The following NAA15 variants were observed in gnomAD, a reference collection of about 807,000 sequenced individuals.
The protein encoded by NAA15 is N-alpha-acetyltransferase 15, NatA auxiliary subunit.
NAA15 carries 34 observed loss-of-function variants against 114.0 expected under a neutral mutation model. That is an observed-to-expected ratio of 0.30 (90% CI 0.23 to 0.40). The LOEUF is 0.40. Ranked by LOEUF, NAA15 falls within the 10% of genes least tolerant of loss-of-function variation. NAA15 has a pLI of 1.00. For synonymous variants in NAA15, 340 were observed against 338.0 expected (o/e 1.01, Z -0.06); for missense variants, 658 against 1,004.5 (o/e 0.66, Z 4.66).
At chr4:139,335,392 G>A (rs1289744014) in intron 2 of NAA15, among the ~76,000 whole-genome samples, 2 of 151,874 alleles carry the variant, frequency 1.3e-5, no homozygotes, top group East Asian at 1.9e-4. Flanking sequence ...TTGAGATAGA[G>A]TTTCATTGTG....
intron 14 of NAA15, among the ~76,000 whole-genome samples, chr4:139,366,149 T>G (rs1447375844): frequency 6.6e-6 from 1 of 152,170 alleles, no homozygotes; most frequent in Non-Finnish European, 1.5e-5. Context: ...AATCCCTAAA[T>G]TTAGCAGCTT....
At chr4:139,360,715 T>C in intron 13 of NAA15, 87 bp downstream of exon 13, 2 of 1,207,082 alleles carry the variant, frequency 1.7e-6, no homozygotes, top group Non-Finnish European at 2.2e-6. Context: ...TTCTATTTCT[T>C]TATAATTCAT....
Position 139,344,342 on chromosome 4 carries a change from A to G in NAA15, c.691+3A>G. The stretch of plus-strand genomic sequence containing the variant: ...ACTTGCTGTAGAAGAAACCAAAGGT[A>G]TTTTTAAAAGAATTGTCATTTATTC... On this transcript the variant is annotated splice_donor_region_variant and intron_variant, in intron 6 of 19. Coordinates refer to ENST00000296543, the MANE Select transcript of NAA15 (RefSeq NM_057175.5). The G allele has an allele frequency of 6.2e-7, 1 of 1,600,914 alleles. No individual in the cohort carries two copies. Among genetic ancestry groups the G allele is most frequent in the Non-Finnish European group, 8.5e-7 (1 of 1,173,882 alleles).
intron 14 of NAA15, among the ~76,000 whole-genome samples, chr4:139,367,851 A>G (rs1027381416): frequency 2.0e-5 from 3 of 152,086 alleles, no homozygotes; most frequent in African/African-American, 7.2e-5. Context: ...AAATCCCTTC[A>G]GTTAGTTAGT....
intron 1 of NAA15, among the ~76,000 whole-genome samples, chr4:139,321,472 T>G (rs894806771): frequency 5.8e-5 from 4 of 68,804 alleles, no homozygotes; most frequent in African/African-American, 1.7e-4. Context: ...CCCTTATTTG[T>G]TTTTTTTTTT....
intron 1 of NAA15, among the ~76,000 whole-genome samples, chr4:139,314,857 TA>T (rs565458961): frequency 1.4e-4 from 21 of 151,928 alleles, no homozygotes; most frequent in South Asian, 6.2e-4. Context: ...TTTGTATTTT[TA>T]GTAGAAACGG....
chr4:139,379,955 G>T (rs1187164938), intron 17 of NAA15, among the ~76,000 whole-genome samples: 1 of 152,156 alleles, frequency 6.6e-6, no homozygotes, highest in Admixed American at 6.5e-5. Flanking sequence ...TGAGGCAGGA[G>T]AATCGCTTGA....
intron 14 of NAA15, among the ~76,000 whole-genome samples, chr4:139,362,775 C>A (rs1020342010): frequency 2.0e-5 from 3 of 152,018 alleles, no homozygotes; most frequent in Non-Finnish European, 4.4e-5. Context: ...CTTTCTTAGA[C>A]AGTTATTTGG....
intron 1 of NAA15, among the ~76,000 whole-genome samples, chr4:139,315,001 T>TTAGGTTAGG (rs1181192026): frequency 4.0e-5 from 3 of 74,380 alleles, no homozygotes; most frequent in East Asian, 4.5e-4. Flanking sequence ...TTCAGTTCAG[T>TTAGGTTAGG]TTAGTTTAGG....
chr4:139,343,085 A>G, intron 5 of NAA15, 125 bp downstream of exon 5: 1 of 798,258 alleles, frequency 1.3e-6, no homozygotes, highest in Non-Finnish European at 2.0e-6. Context: ...CAGGAATAGC[A>G]CAAAGAACTC....
intron 2 of NAA15, among the ~76,000 whole-genome samples, chr4:139,334,722 T>G (rs1490479951): frequency 6.6e-6 from 1 of 152,198 alleles, no homozygotes; most frequent in African/African-American, 2.4e-5. Context: ...GAAGGTAGAT[T>G]ATTGGATGGT....
intron 1 of NAA15, among the ~76,000 whole-genome samples, chr4:139,327,779 C>A (rs2110880439): frequency 6.6e-6 from 1 of 152,230 alleles, no homozygotes; most frequent in South Asian, 2.1e-4. Flanking sequence ...GATTCTCCTG[C>A]CTCTGCCTCC....
At chr4:139,349,968 A>T (rs554484289) in intron 7 of NAA15, among the ~76,000 whole-genome samples, 1 of 150,668 alleles carries the variant, frequency 6.6e-6, no homozygotes, top group African/African-American at 2.5e-5. Flanking sequence ...CCTGGGCAAC[A>T]GAGCGAGACT....
chr4:139,342,479 G>GTTTT (rs11402847), intron 4 of NAA15, among the ~76,000 whole-genome samples: 95 of 125,518 alleles, frequency 7.6e-4, no homozygotes, highest in African/African-American at 1.4e-3. Flanking sequence ...ATTAATGTGT[G>GTTTT]TTTTTTTTTT....
intron 1 of NAA15, among the ~76,000 whole-genome samples, chr4:139,310,172 G>T (rs1746169406): frequency 1.3e-5 from 2 of 152,074 alleles, no homozygotes; most frequent in African/African-American, 4.8e-5. Context: ...AAACATTTTT[G>T]GGCCGGGCGC....
intron 2 of NAA15, among the ~76,000 whole-genome samples, chr4:139,335,627 A>T (rs973360707): frequency 6.6e-6 from 1 of 151,932 alleles, no homozygotes; most frequent in Non-Finnish European, 1.5e-5. Context: ...CGGCCTCCCA[A>T]AGTGCTGGAA....
intron 15 of NAA15, among the ~76,000 whole-genome samples, chr4:139,373,792 A>C (rs1417002170): frequency 2.6e-5 from 4 of 151,626 alleles, no homozygotes; most frequent in African/African-American, 7.3e-5. Flanking sequence ...TCCGCCTCCC[A>C]GGTTCAAGCG....
intron 6 of NAA15, among the ~76,000 whole-genome samples, chr4:139,346,552 A>G (rs921259801): frequency 7.2e-6 from 1 of 139,614 alleles, no homozygotes; most frequent in African/African-American, 2.8e-5. Context: ...GGCAAAAAAA[A>G]AATTTTTTTT....
In NAA15 at chr4:139,362,019, C is replaced by T. The variant is rs1748147963; in HGVS notation, c.1753+82C>T. 1.8e-5 allele frequency: 17 copies of T among 945,538 alleles called. No individual in the cohort carries two copies. In the South Asian group the frequency reaches 3.5e-4, roughly 20 times the overall value. The allele number at this position is 945,538 out of a possible 1,614,324, so 58.6% of individuals were successfully genotyped here. A position where few individuals can be genotyped will look rare whatever the true frequency, so the allele number is the denominator to read the frequency against. ...TTATGTTTTTCATTTAATAGTATTG[C>T]TCCATGTCTTGAGCACCACGAGGAA... On this transcript the variant is annotated intron_variant, in intron 14 of 19. Transcript: ENST00000296543.
Sources: gnomAD v4.1 joint callset for allele counts (sites outside exome capture counted in the v4.1 genomes callset) on GRCh38, gnomAD v4.1.1 for gene constraint, MANE v1.5 for transcripts, NCBI Gene and HGNC (gene_info 2026-07-23, HGNC 2026-07-21) for gene names.